INPP5F: variants seen among roughly 807,000 people sequenced by gnomAD.
INPP5F encodes phosphatidylinositide 4-phosphatase SAC2.
INPP5F carries 97 observed loss-of-function variants against 137.2 expected under a neutral mutation model. The observed-to-expected ratio is 0.71, with a 90% CI of 0.60 to 0.84. INPP5F has a LOEUF of 0.84. Ranked by LOEUF, INPP5F falls within the 40% of genes least tolerant of loss-of-function variation. The pLI, the probability that INPP5F is intolerant of heterozygous loss-of-function variation, is 0.00. For synonymous variants in INPP5F, 504 were observed against 476.9 expected (o/e 1.06, Z -0.74); for missense variants, 1,271 against 1,371.9 (o/e 0.93, Z 1.16).
chr10:119,738,955 G>C (rs541567066), intron 1 of INPP5F, among the ~76,000 whole-genome samples: 1 of 151,918 alleles, frequency 6.6e-6, no homozygotes, highest in South Asian at 2.1e-4. Flanking sequence ...GCTGACGTGG[G>C]AGGATCACTT....
At chr10:119,733,041 A>C (rs1848127756) in intron 1 of INPP5F, among the ~76,000 whole-genome samples, 1 of 152,206 alleles carries the variant, frequency 6.6e-6, no homozygotes, top group South Asian at 2.1e-4. Flanking sequence ...ATTGACAAAA[A>C]TGTTTTGTGA....
intron 16 of INPP5F, among the ~76,000 whole-genome samples, chr10:119,821,864 C>CTTTTT (rs11347174): frequency 1.2e-4 from 11 of 88,146 alleles, no homozygotes; most frequent in Admixed American, 2.5e-4. Flanking sequence ...CTTGTAGTTG[C>CTTTTT]TTTTTTTTTT....
Position 119,823,869 on chromosome 10 carries a change from C to G in INPP5F, c.2216C>G (p.Ser739Trp). ...CAGATCACCAAGCAAGCCATGGGAT[C>G]GGATTTACCCATAATTGAGAAGAAA... Reference protein sequence around the residue: ...MLQITKQAMGSDLPIIEKKLE... With the variant: ...MLQITKQAMGWDLPIIEKKLE... The change falls in exon 19 of 20, where the codon TCG (serine) becomes TGG (tryptophan). Residue 739 changes from serine (S) to tryptophan (W), a missense_variant. Coordinates refer to ENST00000650623, the MANE Select transcript of INPP5F (RefSeq NM_014937.4). 1 of 1,613,776 alleles carries G rather than the reference C, an allele frequency of 6.2e-7. No homozygotes were observed. Among genetic ancestry groups the G allele is most frequent in the African/African-American group, 1.3e-5 (1 of 74,950 alleles).
At chr10:119,745,699 C>CTTTTTTTTTTTTTTTT (rs35485618) in intron 1 of INPP5F, among the ~76,000 whole-genome samples, 2 of 90,548 alleles carry the variant, frequency 2.2e-5, no homozygotes, top group Non-Finnish European at 4.1e-5. Flanking sequence ...AGGCTCATTC[C>CTTTTTTTTTTTTTTTT]TTTTTTTTTT....
rs984726073 is a variant in INPP5F, at chr10:119,820,898, T to G, written c.1939T>G (p.Ser647Ala). 5.0e-6 allele frequency: 8 copies of G among 1,610,462 alleles called. No individual in the cohort carries two copies. The African/African-American group carries it at 6.7e-5, about 13-fold the overall frequency. The change falls in exon 16 of 20, where the codon TCT becomes GCT. Residue 647 changes from serine (S) to alanine (A), a missense_variant. Ser to Ala is a moderately conservative substitution (Grantham distance 99). This residue lies in a region of INPP5F where 593 missense variants were observed against 712.4 expected (regional missense o/e 0.83). Transcript: ENST00000650623. ...DVDVLLLLSN[S>A]AYYVAYYDDE... ...GGATGTGCTGTTACTGCTTTCTAAC[T>G]CTGCCTACTACGTGGCCTAGTAAGT...
chr10:119,819,789 TACA>T (rs1379223768), intron 15 of INPP5F: 12 of 332,284 alleles, frequency 3.6e-5, no homozygotes, highest in African/African-American at 2.3e-4. Flanking sequence ...GGACTCAAGC[TACA>T]ACGAGGTGTC....
intron 1 of INPP5F, among the ~76,000 whole-genome samples, chr10:119,727,679 C>T (rs1847932820): frequency 6.6e-6 from 1 of 152,208 alleles, no homozygotes; most frequent in Non-Finnish European, 1.5e-5. Context: ...CTTGCTATTA[C>T]GTTGTATTTC....
At chr10:119,806,814 T>TC (rs1850811462) in intron 12 of INPP5F, among the ~76,000 whole-genome samples, 1 of 150,788 alleles carries the variant, frequency 6.6e-6, no homozygotes. Flanking sequence ...TGCATTTCTT[T>TC]TTTTTTTTTT....
intron 15 of INPP5F, chr10:119,814,573 C>G (rs1851187517): frequency 6.6e-6 from 1 of 152,174 alleles, no homozygotes; most frequent in Non-Finnish European, 1.5e-5. Context: ...CTGAGGAGTT[C>G]TTCCCCAAAA....
At chr10:119,738,798 A>G (rs746112786) in intron 1 of INPP5F, among the ~76,000 whole-genome samples, 1 of 151,928 alleles carries the variant, frequency 6.6e-6, no homozygotes, top group South Asian at 2.1e-4. Context: ...GCCTTCCTCT[A>G]TTGTTTTGTG....
Position 119,827,281 on chromosome 10 carries a change from C to T in INPP5F, c.2900C>T (p.Ala967Val). ...DIYCHRFVQD[A>V]QNKVTHLSET... ...TACTGCCACAGATTTGTGCAAGATG[C>T]ACAGAACAAAGTGACCCACCTATCA... Residue 967 changes from alanine to valine, a missense_variant, in exon 20 of 20, where the codon GCA becomes GTA. By Grantham distance (64) the Ala-to-Val change is moderately conservative (BLOSUM62 0). Coordinates refer to ENST00000650623, the MANE Select transcript of INPP5F (RefSeq NM_014937.4). The T allele has an allele frequency of 6.2e-7, 1 of 1,614,124 alleles. No homozygotes were observed. The highest frequency in any genetic ancestry group is 8.5e-7 in the Non-Finnish European group (1 of 1,180,026).
At chr10:119,773,374 T>G (rs61867903) in intron 2 of INPP5F, among the ~76,000 whole-genome samples, 6,350 of 152,228 alleles carry the variant, frequency 0.042, 239 homozygotes, top group South Asian at 0.22. Flanking sequence ...CAAATTTTAG[T>G]TTCGGGGCGA....
At chr10:119,821,726 C>G (rs1851569935) in intron 16 of INPP5F, among the ~76,000 whole-genome samples, 1 of 120,518 alleles carries the variant, frequency 8.3e-6, no homozygotes, top group African/African-American at 3.1e-5. Flanking sequence ...CTCCCTTCAT[C>G]TCTGCCTCCC....
At chr10:119,820,493 C>T (rs1430123364) in intron 15 of INPP5F, among the ~76,000 whole-genome samples, 3 of 151,960 alleles carry the variant, frequency 2.0e-5, no homozygotes, top group Admixed American at 1.3e-4. Context: ...TTTCTCCCTT[C>T]TCACTCTCAC....
intron 2 of INPP5F, among the ~76,000 whole-genome samples, chr10:119,759,803 C>A (rs1848957603): frequency 6.6e-6 from 1 of 152,128 alleles, no homozygotes; most frequent in South Asian, 2.1e-4. Context: ...TCTCCGGTAT[C>A]TTCTCATTGG....
intron 19 of INPP5F, among the ~76,000 whole-genome samples, chr10:119,826,201 C>CAA (rs1349577928): frequency 6.6e-6 from 1 of 152,200 alleles, no homozygotes. Context: ...GCACTGCTCA[C>CAA]AATGGTAGCC....
chr10:119,822,500 A>G lies in INPP5F; in HGVS notation c.2028A>G (p.Glu676=). The G allele has an allele frequency of 6.8e-7, 1 of 1,468,022 alleles. No individual in the cohort carries two copies. Among genetic ancestry groups the G allele is most frequent in the Non-Finnish European group, 9.4e-7 (1 of 1,064,294 alleles). 90.9% of individuals were successfully genotyped at this position (1,468,022 alleles called of 1,614,324 possible). A position where few individuals can be genotyped will look rare whatever the true frequency, so the allele number is the denominator to read the frequency against. ...GTCTAGAAAACCTGGAAAAAATTGAAATAGGTAAGTTTTAACATACTAATC... is the reference window on the plus strand; with the variant it reads ...GTCTAGAAAACCTGGAAAAAATTGAGATAGGTAAGTTTTAACATACTAATC... ...RLSLENLEKI[E]IGPEPTLFGK... Residue 676 remains glutamate (E), a synonymous_variant, in exon 17 of 20, where the codon GAA becomes GAG. Transcript: ENST00000650623.
At chr10:119,765,230 A>G (rs943204967) in intron 2 of INPP5F, among the ~76,000 whole-genome samples, 11 of 152,162 alleles carry the variant, frequency 7.2e-5, no homozygotes. Context: ...CACCGTGCCC[A>G]GCCTAGCTTA....
At chr10:119,798,481 G>A (rs2134227043) in intron 8 of INPP5F, 62 bp from the exon 9 acceptor site, 3 of 1,065,222 alleles carry the variant, frequency 2.8e-6, no homozygotes, top group Admixed American at 1.9e-5. Flanking sequence ...TAAAGATGGA[G>A]TAGACACTAA....
Sources: allele counts gnomAD v4.1 joint callset (sites outside exome capture counted in the v4.1 genomes callset), GRCh38; gene constraint gnomAD v4.1.1; regional missense constraint gnomAD v4.1.1; transcripts MANE v1.5; gene names NCBI Gene and HGNC (gene_info 2026-07-23, HGNC 2026-07-21).